ALK: variants seen among roughly 807,000 people sequenced by gnomAD.
ALK encodes ALK tyrosine kinase receptor.
Under a neutral mutation model 163.1 loss-of-function variants are expected in ALK, and 74 were observed. The ratio of observed to expected loss-of-function variants is 0.45; its 90% CI spans 0.38 to 0.55. The LOEUF (loss-of-function observed/expected upper bound fraction) is 0.55, where lower values mean the gene tolerates loss of function less well. Ranked by LOEUF, ALK falls within the 20% of genes least tolerant of loss-of-function variation. The pLI is 0.00. For missense variants in ALK, 2,063 were observed against 2,105.3 expected (o/e 0.98, Z 0.39); for synonymous variants, 960 against 843.2 (o/e 1.14, Z -2.40).
rs1187430323 is a variant in ALK, at chr2:29,246,966, G to A, written c.2204+4139C>T. 2.6e-5 allele frequency among the ~76,000 whole-genome samples: 4 copies of A among 152,184 alleles called. No homozygotes were observed. The highest frequency in any genetic ancestry group is 7.2e-5 in the African/African-American group (3 of 41,432). On this transcript the variant is annotated intron_variant, in intron 12 of 28. Coordinates refer to ENST00000389048, the MANE Select transcript of ALK (RefSeq NM_004304.5). This position sits in a 1 kb window ranked among gnomAD's most constrained non-coding sequence, Gnocchi z 4.3. ...CGGCTCCCCGAGGCCAGCCTTGCCC[G>A]ACTTCTCATCGGCAGTACCGACTTC...
chr2:29,770,374 C>A (rs1478157286), intron 1 of ALK, among the ~76,000 whole-genome samples: 1 of 152,208 alleles, frequency 6.6e-6, no homozygotes, highest in Non-Finnish European at 1.5e-5. Flanking sequence ...CGTCCAGTCA[C>A]ACCCTACACT....
At chr2:29,273,972 C>A (rs1198572150) in intron 11 of ALK, among the ~76,000 whole-genome samples, 1 of 152,088 alleles carries the variant, frequency 6.6e-6, no homozygotes, top group Non-Finnish European at 1.5e-5. Context: ...AGGACGGGCT[C>A]CCCTCTGTGT....
intron 1 of ALK, among the ~76,000 whole-genome samples, chr2:29,821,899 G>A (rs895425059): frequency 2.0e-5 from 3 of 152,126 alleles, no homozygotes; most frequent in African/African-American, 4.8e-5. Context: ...TTCAGGGGTT[G>A]AAGGGCCACT....
chr2:29,822,193 C>G (rs4629120), intron 1 of ALK, among the ~76,000 whole-genome samples: 1 of 152,002 alleles, frequency 6.6e-6, no homozygotes, highest in Non-Finnish European at 1.5e-5. Flanking sequence ...GACTGAATGG[C>G]GAATAATCCA....
intron 22 of ALK, chr2:29,221,149 G>A (rs767345339): frequency 3.7e-5 from 21 of 560,614 alleles, no homozygotes; most frequent in South Asian, 3.1e-4. Context: ...AGATACTGGT[G>A]CGTGGACTGG....
chr2:29,567,990 G>T (rs951217501), intron 3 of ALK, among the ~76,000 whole-genome samples: 6 of 152,196 alleles, frequency 3.9e-5, no homozygotes, highest in African/African-American at 1.2e-4. Flanking sequence ...ACACAGAGAT[G>T]ATTTACCAGC....
At chr2:29,398,722 G>A (rs981775915) in intron 4 of ALK, among the ~76,000 whole-genome samples, 4 of 152,020 alleles carry the variant, frequency 2.6e-5, no homozygotes, top group South Asian at 2.1e-4. Flanking sequence ...AGCATTCTCC[G>A]AGGTCAGAGG....
chr2:29,850,822 T>A (rs997455132), intron 1 of ALK, among the ~76,000 whole-genome samples: 1 of 152,202 alleles, frequency 6.6e-6, no homozygotes, highest in South Asian at 2.1e-4. Flanking sequence ...CCCAAGCCCT[T>A]TCCTCGTCCA....
chr2:29,208,719 T>A (rs751124333), intron 25 of ALK, among the ~76,000 whole-genome samples: 1 of 151,896 alleles, frequency 6.6e-6, no homozygotes, highest in Non-Finnish European at 1.5e-5. Flanking sequence ...CCCCAAAGAG[T>A]TAAAGCTCCA....
At chr2:29,465,170 A>C (rs79851055) in intron 4 of ALK, among the ~76,000 whole-genome samples, 126 of 152,326 alleles carry the variant, frequency 8.3e-4, no homozygotes, top group African/African-American at 2.9e-3. Context: ...GAAAATCTTA[A>C]GGTACCTAAA....
chr2:29,588,494 G>T (rs950100892), intron 3 of ALK, among the ~76,000 whole-genome samples: 4 of 152,180 alleles, frequency 2.6e-5, no homozygotes, highest in African/African-American at 7.2e-5. Flanking sequence ...GCCTCCCAAA[G>T]TGTTGAGATT....
intron 1 of ALK, among the ~76,000 whole-genome samples, chr2:29,849,538 G>C (rs1265876238): frequency 6.6e-6 from 1 of 152,128 alleles, no homozygotes; most frequent in Non-Finnish European, 1.5e-5. Context: ...GTATTCTCAG[G>C]GCCTACGTGG....
intron 3 of ALK, among the ~76,000 whole-genome samples, chr2:29,595,089 G>A (rs555628168): frequency 9.5e-4 from 144 of 152,212 alleles, no homozygotes; most frequent in African/African-American, 3.4e-3. Flanking sequence ...CCTCCCAGAT[G>A]TCTTTTCATT....
At chr2:29,326,221 G>A (rs1015676205) in intron 6 of ALK, among the ~76,000 whole-genome samples, 3 of 152,150 alleles carry the variant, frequency 2.0e-5, no homozygotes, top group Non-Finnish European at 2.9e-5. Flanking sequence ...AGCTGGCCAG[G>A]AAACCAGTAG....
intron 4 of ALK, among the ~76,000 whole-genome samples, chr2:29,450,643 G>T (rs1670797149): frequency 6.6e-6 from 1 of 152,122 alleles, no homozygotes; most frequent in Non-Finnish European, 1.5e-5. Flanking sequence ...AATTATAAAT[G>T]GAAAAAATAT....
At chr2:29,594,103 C>A (rs563060015) in intron 3 of ALK, among the ~76,000 whole-genome samples, 4 of 152,042 alleles carry the variant, frequency 2.6e-5, no homozygotes, top group African/African-American at 9.6e-5. Context: ...ACAAGGCAGA[C>A]CCCCCAAAAC....
chr2:29,396,686 C>A (rs1275624567), intron 4 of ALK, among the ~76,000 whole-genome samples: 2 of 151,812 alleles, frequency 1.3e-5, no homozygotes, highest in African/African-American at 2.4e-5. Flanking sequence ...AAAACAAAAA[C>A]AAAAACAAAC....
intron 4 of ALK, among the ~76,000 whole-genome samples, chr2:29,522,258 C>T (rs1409508644): frequency 2.0e-5 from 3 of 152,248 alleles, no homozygotes. Context: ...CTCAGCTTCC[C>T]CACTGTAAAA....
At position 29,796,195 on chromosome 2, in the gene ALK, T is replaced by C. The variant is rs138975693; in HGVS notation, c.668-78498A>G. ...TGCTAGGGAAGAGCTCCTGGAACCA[T>C]CGGTAGATCTGTAATAAAGCATCCA... On this transcript the variant is annotated intron_variant, in intron 1 of 28. Coordinates refer to ENST00000389048, the MANE Select transcript of ALK (RefSeq NM_004304.5). Among the ~76,000 whole-genome samples, 505 of 152,260 alleles carry C rather than the reference T, an allele frequency of 3.3e-3. 10 individuals carry two copies. The highest frequency in any genetic ancestry group is 0.012 in the East Asian group (63 of 5,184).
Sources: allele counts gnomAD v4.1 joint callset (sites outside exome capture counted in the v4.1 genomes callset), GRCh38; gene constraint gnomAD v4.1.1; non-coding constraint Gnocchi (gnomAD v3.1); transcripts MANE v1.5; gene names NCBI Gene and HGNC (gene_info 2026-07-23, HGNC 2026-07-21).